The following ABL2 variants were observed in gnomAD, a reference collection of about 807,000 sequenced individuals.
The protein encoded by ABL2 is tyrosine-protein kinase ABL2.
ABL2 carries 49 observed loss-of-function variants against 107.7 expected under a neutral mutation model. The ratio of observed to expected loss-of-function variants is 0.45; its 90% CI spans 0.36 to 0.58. The LOEUF (loss-of-function observed/expected upper bound fraction) is 0.58, where lower values mean the gene tolerates loss of function less well. ABL2 is among the 20% of genes least tolerant of loss of function. The probability of loss-of-function intolerance (pLI) is 0.00; values close to 1 mark genes in which losing one functional copy is unlikely to be tolerated. For missense variants in ABL2, 1,245 were observed against 1,457.0 expected (o/e 0.85, Z 2.37); for synonymous variants, 549 against 548.6 (o/e 1.00, Z -0.01).
At chr1:179,227,041 G>A (rs1441527188) in intron 1 of ABL2, among the ~76,000 whole-genome samples, 1 of 152,060 alleles carries the variant, frequency 6.6e-6, no homozygotes, top group Admixed American at 6.5e-5. Context: ...CATTTCCACT[G>A]CCACCACTCA....
intron 1 of ABL2, chr1:179,184,367 T>A (rs1660562006): frequency 1.4e-6 from 1 of 700,596 alleles, no homozygotes; most frequent in Non-Finnish European, 2.4e-6. Flanking sequence ...CTGGAAAGGA[T>A]GCGATGAAAC....
intron 1 of ABL2, among the ~76,000 whole-genome samples, chr1:179,203,352 C>G (rs1661776845): frequency 6.6e-6 from 1 of 152,086 alleles, no homozygotes. Flanking sequence ...AAATAAAATA[C>G]AACTAAGTAC....
At chr1:179,190,652 T>C (rs1188810172) in intron 1 of ABL2, among the ~76,000 whole-genome samples, 3 of 151,960 alleles carry the variant, frequency 2.0e-5, no homozygotes, top group Non-Finnish European at 4.4e-5. Flanking sequence ...GCCCCAACCT[T>C]CTAATCACGC....
At chr1:179,132,077 CA>C (rs1656387149) in intron 2 of ABL2, among the ~76,000 whole-genome samples, 1 of 152,006 alleles carries the variant, frequency 6.6e-6, no homozygotes, top group African/African-American at 2.4e-5. Flanking sequence ...GCCAACATGG[CA>C]AAAAATAATC....
In ABL2 at chr1:179,105,499, G is replaced by C. The variant is rs187620401; in HGVS notation, c.*2219C>G. On this transcript the variant is annotated 3_prime_UTR_variant, in exon 12 of 12. Coordinates refer to ENST00000502732, the MANE Select transcript of ABL2 (RefSeq NM_007314.4). ...GTTTACGGACATGTATGATGAGCAA[G>C]AATGGCAGGAAAGAAGGTGGGAGAA... 394 of 229,570 alleles carry C rather than the reference G, an allele frequency of 1.7e-3. 4 individuals are homozygous for C. The highest frequency in any genetic ancestry group is 8.4e-3 in the African/African-American group (378 of 45,258). The allele number at this position is 229,570 out of a possible 1,614,324, so 14.2% of individuals were successfully genotyped here.
chr1:179,191,480 G>A (rs191955844), intron 1 of ABL2, among the ~76,000 whole-genome samples: 120 of 140,350 alleles, frequency 8.6e-4, no homozygotes, highest in Non-Finnish European at 7.5e-4. Flanking sequence ...GAGTGCAAAG[G>A]CACAATCTCG....
Position 179,104,719 on chromosome 1 carries a change from C to T in ABL2, c.*2999G>A. Reference sequence around the variant, plus strand: ...ATCACTGCATTTTAAAGTGGGAAATCTAAACTGAAGTAATATTATCTGTAC... The same window carrying T: ...ATCACTGCATTTTAAAGTGGGAAATTTAAACTGAAGTAATATTATCTGTAC... On this transcript the variant is annotated 3_prime_UTR_variant, in exon 12 of 12. Transcript: ENST00000502732. The T allele has an allele frequency of 4.7e-6, 1 of 213,970 alleles. No homozygotes were observed. Among genetic ancestry groups the T allele is most frequent in the Non-Finnish European group, 9.4e-6 (1 of 105,934 alleles). The allele number at this position is 213,970 out of a possible 1,614,324, so 13.3% of individuals were successfully genotyped here.
chr1:179,199,052 A>T (rs1173072820), intron 1 of ABL2, among the ~76,000 whole-genome samples: 1 of 152,078 alleles, frequency 6.6e-6, no homozygotes, highest in Non-Finnish European at 1.5e-5. Context: ...CATGTTGGCC[A>T]GCCTGGTCTC....
intron 1 of ABL2, among the ~76,000 whole-genome samples, chr1:179,138,873 C>T (rs992686313): frequency 2.6e-5 from 4 of 152,220 alleles, no homozygotes; most frequent in Non-Finnish European, 5.9e-5. Context: ...GGCTGCCTGC[C>T]GCGCTTGCGG....
intron 1 of ABL2, among the ~76,000 whole-genome samples, chr1:179,144,843 C>A (rs1293984979): frequency 1.3e-5 from 2 of 152,114 alleles, no homozygotes; most frequent in Non-Finnish European, 2.9e-5. Flanking sequence ...ATATCTCATT[C>A]TCCGGATTAT....
Position 179,203,590 on chromosome 1 carries a change from T to C in ABL2, c.157+25651A>G, listed in dbSNP as rs1661791202. Among the ~76,000 whole-genome samples, 3 of 152,168 alleles carry C rather than the reference T, an allele frequency of 2.0e-5. No individual in the cohort carries two copies. The South Asian group carries it at 6.2e-4, about 32-fold the overall frequency. On this transcript the variant is annotated intron_variant, in intron 1 of 11. Transcript: ENST00000502732. ...AAAAAAAAAATAACCTCTATTTGTA[T>C]TATTGTAACAAGCTATGCAAAGAAG...
intron 1 of ABL2, among the ~76,000 whole-genome samples, chr1:179,212,152 G>A (rs1662311210): frequency 6.6e-6 from 1 of 152,112 alleles, no homozygotes; most frequent in African/African-American, 2.4e-5. Context: ...TATCAGACAT[G>A]GTGAGAACTT....
Position 179,107,610 on chromosome 1 carries a change from A to G in ABL2, c.*108T>C, listed in dbSNP as rs1236947548. The G allele has an allele frequency of 6.6e-6, 10 of 1,507,268 alleles. No homozygotes were observed. The highest frequency in any genetic ancestry group is 1.4e-5 in the South Asian group (1 of 73,056). 93.4% of individuals were successfully genotyped at this position (1,507,268 alleles called of 1,614,324 possible). ...GGGATCTGAGGTACTTCACATAAAC[A>G]CACTCAAGTATGAGTCTTTCATTTT... is the stretch of plus-strand genomic sequence containing the variant. On this transcript the variant is annotated 3_prime_UTR_variant, in exon 12 of 12. Transcript: ENST00000502732.
intron 11 of ABL2, among the ~76,000 whole-genome samples, chr1:179,109,988 A>T (rs892800882): frequency 1.4e-4 from 22 of 151,928 alleles, no homozygotes; most frequent in South Asian, 1.0e-3. Context: ...TTACCTCAAC[A>T]CTCATCCTTT....
intron 8 of ABL2, 36 bp downstream of exon 8, chr1:179,117,296 T>A (rs1249864767): frequency 3.2e-6 from 5 of 1,576,296 alleles, no homozygotes; most frequent in East Asian, 2.2e-5. Flanking sequence ...AAAAAAAAAA[T>A]AAAATGACAC....
Position 179,108,792 on chromosome 1 carries a change from A to G in ABL2, c.2475T>C (p.Asn825=). The change falls in exon 12 of 12, where the codon AAT becomes AAC. Residue 825 remains asparagine, a synonymous_variant. Coordinates refer to ENST00000502732, the MANE Select transcript of ABL2 (RefSeq NM_007314.4). ...GAAGCATGTCATTGGCCCTGTCCACATTCTCTTCTGGCTGAGAAGAGGTGG... is the reference window on the plus strand; with the variant it reads ...GAAGCATGTCATTGGCCCTGTCCACGTTCTCTTCTGGCTGAGAAGAGGTGG... ...TVSTSSQPEE[N]VDRANDMLPK... 1 of 1,614,126 alleles carries G rather than the reference A, an allele frequency of 6.2e-7. No individual in the cohort carries two copies. The highest frequency in any genetic ancestry group is 8.5e-7 in the Non-Finnish European group (1 of 1,180,020).
At chr1:179,147,180 G>A (rs1410020124) in intron 1 of ABL2, among the ~76,000 whole-genome samples, 2 of 5,812 alleles carry the variant, frequency 3.4e-4, no homozygotes, top group Non-Finnish European at 5.7e-4. Context: ...TCAGAGAAAT[G>A]CAAAAAAAAA....
At chr1:179,176,641 C>T (rs924352647) in intron 1 of ABL2, among the ~76,000 whole-genome samples, 1 of 147,530 alleles carries the variant, frequency 6.8e-6, no homozygotes, top group East Asian at 2.0e-4. Flanking sequence ...TTCAAGAAAA[C>T]AAAAATAATA....
chr1:179,120,013 G>C (rs974229682), intron 6 of ABL2, among the ~76,000 whole-genome samples, 177 bp downstream of exon 6: 2 of 152,096 alleles, frequency 1.3e-5, no homozygotes, highest in African/African-American at 4.8e-5. Context: ...GCTCATGCCT[G>C]TAATCCCAAC....
Sources: allele counts gnomAD v4.1 joint callset (sites outside exome capture counted in the v4.1 genomes callset), GRCh38; gene constraint gnomAD v4.1.1; transcripts MANE v1.5; gene names NCBI Gene and HGNC (gene_info 2026-07-23, HGNC 2026-07-21).